Variants in SLC10A6 observed in about 807,000 individuals in gnomAD.
The protein encoded by SLC10A6 is solute carrier family 10 member 6, also known as sodium-dependent organic anion transporter.
Under a neutral mutation model 30.0 loss-of-function variants are expected in SLC10A6, and 27 were observed. The observed-to-expected ratio is 0.90, with a 90% confidence interval of 0.66 to 1.24. The LOEUF (loss-of-function observed/expected upper bound fraction) is 1.24. SLC10A6 is among the 50% of genes most tolerant of loss of function. SLC10A6 has a pLI of 0.00. For missense variants in SLC10A6, 439 were observed against 457.0 expected (o/e 0.96, Z 0.36); for synonymous variants, 166 against 173.8 (o/e 0.95, Z 0.36).
At chr4:86,834,487 T>C (rs1365391719) in intron 1 of SLC10A6, among the ~76,000 whole-genome samples, 1 of 152,264 alleles carries the variant, frequency 6.6e-6, no homozygotes, top group Admixed American at 6.5e-5. Flanking sequence ...TCTATTAATA[T>C]AGTATATCAC....
chr4:86,827,024 C>T (rs971120112), intron 4 of SLC10A6, among the ~76,000 whole-genome samples: 3 of 152,068 alleles, frequency 2.0e-5, no homozygotes, highest in Non-Finnish European at 4.4e-5. Flanking sequence ...CTCAAACCAC[C>T]CTCACTTCTT....
chr4:86,834,583 T>C (rs1415493313), intron 1 of SLC10A6, among the ~76,000 whole-genome samples: 5 of 152,246 alleles, frequency 3.3e-5, no homozygotes, highest in African/African-American at 1.2e-4. Flanking sequence ...TGTTGCTAGA[T>C]TCAGTGTGAT....
rs559418480 is a variant in SLC10A6, at chr4:86,849,357, G to C, written c.-242C>G. The C allele has an allele frequency of 1.9e-6, 1 of 513,988 alleles. No individual in the cohort carries two copies. The highest frequency in any genetic ancestry group is 3.3e-5 in the East Asian group (1 of 30,244). The allele number at this position is 513,988 out of a possible 1,614,324, so 31.8% of individuals were successfully genotyped here. On this transcript the variant is annotated 5_prime_UTR_variant, in exon 1 of 6. Coordinates refer to ENST00000273905, the MANE Select transcript of SLC10A6 (RefSeq NM_197965.3). ...GTGGTAAGTAAGGCTTTCCACTTCT[G>C]TTCTTACTCACCACTGAATATGTAT...
intron 1 of SLC10A6, among the ~76,000 whole-genome samples, chr4:86,838,456 G>A (rs1746236021): frequency 6.6e-6 from 1 of 152,158 alleles, no homozygotes; most frequent in Non-Finnish European, 1.5e-5. Flanking sequence ...ATGAATCAAA[G>A]AATGAACCAA....
At chr4:86,843,901 G>A (rs557733816) in intron 1 of SLC10A6, among the ~76,000 whole-genome samples, 53 of 152,030 alleles carry the variant, frequency 3.5e-4, no homozygotes, top group Non-Finnish European at 2.8e-4. Context: ...GAAACTGGCC[G>A]GGCTCGGTGG....
intron 1 of SLC10A6, among the ~76,000 whole-genome samples, chr4:86,839,444 C>T (rs1404706354): frequency 6.6e-6 from 1 of 152,062 alleles, no homozygotes; most frequent in Non-Finnish European, 1.5e-5. Flanking sequence ...GAAGGAGGCC[C>T]TGTCTCTAAA....
At chr4:86,839,055 C>T (rs1282619434) in intron 1 of SLC10A6, among the ~76,000 whole-genome samples, 1 of 151,852 alleles carries the variant, frequency 6.6e-6, no homozygotes, top group African/African-American at 2.4e-5. Context: ...CATCCTTCTA[C>T]TCTTTTATTT....
chr4:86,827,564 T>A (rs1746016765), intron 4 of SLC10A6, among the ~76,000 whole-genome samples: 1 of 152,208 alleles, frequency 6.6e-6, no homozygotes, highest in African/African-American at 2.4e-5. Flanking sequence ...TTAAAAGTAG[T>A]ACATACTTAT....
At chr4:86,832,020 T>C (rs1746089563) in intron 2 of SLC10A6, 140 bp from the exon 3 acceptor site, 4 of 690,302 alleles carry the variant, frequency 5.8e-6, no homozygotes, top group South Asian at 3.6e-5. Flanking sequence ...GATAAATGCC[T>C]ACAATATTGG....
chr4:86,828,096 A>C lies in SLC10A6; in HGVS notation c.658T>G (p.Trp220Gly). The stretch of plus-strand genomic sequence containing the variant: ...GTCAGAAGGGTGATGTCTGAATTCC[A>C]AGATCCTTTCGCCAGGACCACACCA... The part of the protein sequence containing the change: ...VAGVVLAKGS[W>G]NSDITLLTIS... The change falls in exon 4 of 6, where the codon TGG becomes GGG. Residue 220 changes from tryptophan (W) to glycine (G), a missense_variant. Coordinates refer to ENST00000273905, the MANE Select transcript of SLC10A6 (RefSeq NM_197965.3). 3.7e-6 allele frequency: 6 copies of C among 1,614,016 alleles called. No homozygotes were observed. The highest frequency in any genetic ancestry group is 5.1e-6 in the Non-Finnish European group (6 of 1,179,908).
At chr4:86,842,870 C>CTTTCT (rs1746327693) in intron 1 of SLC10A6, among the ~76,000 whole-genome samples, 1 of 44,868 alleles carries the variant, frequency 2.2e-5, no homozygotes, top group East Asian at 3.7e-4. Flanking sequence ...TTCTTTCTTT[C>CTTTCT]TTTCTTTTTT....
intron 5 of SLC10A6, 112 bp from the exon 6 acceptor site, chr4:86,824,014 T>A: frequency 1.1e-6 from 1 of 912,530 alleles, no homozygotes; most frequent in Non-Finnish European, 1.7e-6. Flanking sequence ...ATCATGTATG[T>A]ATAAACACCC....
At chr4:86,827,913 G>T in intron 4 of SLC10A6, 80 bp downstream of exon 4, 2 of 1,366,800 alleles carry the variant, frequency 1.5e-6, no homozygotes, top group South Asian at 1.4e-5. Context: ...CATGTCTCCT[G>T]ACACAGGCAG....
rs201089873 is a variant in SLC10A6, at chr4:86,847,556, A to AT, written c.377+1182dup. Among the ~76,000 whole-genome samples, 363 of 151,532 alleles carry AT rather than the reference A, an allele frequency of 2.4e-3. 2 individuals carry two copies. Among genetic ancestry groups the AT allele is most frequent in the African/African-American group, 8.4e-3 (346 of 41,338 alleles). On this transcript the variant is annotated intron_variant, in intron 1 of 5. Coordinates refer to ENST00000273905, the MANE Select transcript of SLC10A6 (RefSeq NM_197965.3). ...GGTAAAACACAAAATTCATCAAGTT[A>AT]TTTTTTTTTCAAATCTCTCATAAGT... is the stretch of plus-strand genomic sequence containing the variant.
Position 86,825,400 on chromosome 4 carries a change from C to T in SLC10A6, c.919+20G>A. On this transcript the variant is annotated intron_variant, in intron 5 of 5. Coordinates refer to ENST00000273905, the MANE Select transcript of SLC10A6 (RefSeq NM_197965.3). ...ACAATTTCCCGTCAGTTATTTCCTA[C>T]CCAATGGGTGTTCACCCACCTGCAA... 2 of 1,573,728 alleles carry T rather than the reference C, an allele frequency of 1.3e-6. No individual in the cohort carries two copies. Among genetic ancestry groups the T allele is most frequent in the Non-Finnish European group, 1.7e-6 (2 of 1,148,616 alleles).
intron 2 of SLC10A6, among the ~76,000 whole-genome samples, 166 bp from the exon 3 acceptor site, chr4:86,832,046 A>T (rs917830013): frequency 5.9e-5 from 9 of 152,220 alleles, no homozygotes; most frequent in Non-Finnish European, 8.8e-5. Context: ...AAGTTATATA[A>T]GCTGCTCATA....
Position 86,842,707 on chromosome 4 carries a change from A to AAAAAGAAAAG in SLC10A6, c.377+6022_377+6031dup, listed in dbSNP as rs527444104. 8.8e-4 allele frequency among the ~76,000 whole-genome samples: 77 copies of AAAAAGAAAAG among 87,668 alleles called. 13 individuals carry two copies. The highest frequency in any genetic ancestry group is 3.3e-3 in the African/African-American group (68 of 20,706). The allele number at this position is 87,668 out of a possible 152,430, so 57.5% of individuals were successfully genotyped here. A position where few individuals can be genotyped will look rare whatever the true frequency, so the allele number is the denominator to read the frequency against. On this transcript the variant is annotated intron_variant, in intron 1 of 5. Coordinates refer to ENST00000273905, the MANE Select transcript of SLC10A6 (RefSeq NM_197965.3). ...TCTAAGACCCTGTCTCAAAAAAAAA[A>AAAAAGAAAAG]AAAAGAAAAGAAAAGAAAAGAAAAG...
intron 1 of SLC10A6, among the ~76,000 whole-genome samples, chr4:86,842,377 A>G (rs1478093014): frequency 6.6e-6 from 1 of 152,200 alleles, no homozygotes; most frequent in East Asian, 1.9e-4. Flanking sequence ...TCTTGTATAT[A>G]TCAAAAGTTC....
chr4:86,837,220 AGAGAG>A (rs1746200971), intron 1 of SLC10A6, among the ~76,000 whole-genome samples: 2 of 117,746 alleles, frequency 1.7e-5, no homozygotes, highest in Non-Finnish European at 3.2e-5. Context: ...AGAGAGAGAG[AGAGAG>A]AGAAAGAAAG....
Sources: allele counts gnomAD v4.1 joint callset (sites outside exome capture counted in the v4.1 genomes callset), GRCh38; gene constraint gnomAD v4.1.1; transcripts MANE v1.5; gene names NCBI Gene and HGNC (gene_info 2026-07-23, HGNC 2026-07-21).